TBCD: variants seen among roughly 807,000 people sequenced by gnomAD.
The protein encoded by TBCD is tubulin folding cofactor D, also known as tubulin-specific chaperone D.
A neutral mutation model predicts 169.3 loss-of-function variants in TBCD; 105 were observed. The observed-to-expected ratio is 0.62, with a 90% CI of 0.53 to 0.73. The LOEUF (loss-of-function observed/expected upper bound fraction) is 0.73, where lower values mean the gene tolerates loss of function less well. Ranked by LOEUF, TBCD falls within the 30% of genes least tolerant of loss-of-function variation. The pLI is 0.00. For missense variants in TBCD, 1,444 were observed against 1,600.1 expected (o/e 0.90, Z 1.66); for synonymous variants, 700 against 643.9 (o/e 1.09, Z -1.32).
intron 30 of TBCD, among the ~76,000 whole-genome samples, chr17:82,928,767 C>T (rs1271764521): frequency 1.3e-5 from 2 of 152,140 alleles, no homozygotes; most frequent in Non-Finnish European, 1.5e-5. Flanking sequence ...TCTCTGTCCC[C>T]ATCACTCTTC....
chr17:82,944,335 A>C lies in TBCD; in HGVS notation c.*1872A>C, dbSNP rs1304423091. Reference sequence around the variant, plus strand: ...TCACCAGACACCTGGTGGCCTGGAAAGCCCTCTTTCAGCAGCCGTTTCTGG... The same window carrying C: ...TCACCAGACACCTGGTGGCCTGGAACGCCCTCTTTCAGCAGCCGTTTCTGG... On this transcript the variant is annotated 3_prime_UTR_variant, in exon 39 of 39. Coordinates refer to ENST00000355528, the MANE Select transcript of TBCD (RefSeq NM_005993.5). The C allele has an allele frequency of 6.6e-6, 1 of 152,190 alleles. No homozygotes were observed. The highest frequency in any genetic ancestry group is 6.5e-5 in the Admixed American group (1 of 15,282). 9.4% of individuals were successfully genotyped at this position (152,190 alleles called of 1,614,324 possible).
chr17:82,910,757 G>A (rs1413207435), intron 22 of TBCD, among the ~76,000 whole-genome samples: 2 of 152,078 alleles, frequency 1.3e-5, no homozygotes, highest in Non-Finnish European at 2.9e-5. Context: ...GGAGAGACGG[G>A]GTTTCACCAT....
In TBCD at chr17:82,789,536, G is replaced by C. The variant is rs2049551012; in HGVS notation, c.771+7815G>C. 6.6e-6 allele frequency among the ~76,000 whole-genome samples: 1 copy of C among 152,174 alleles called. No homozygotes were observed. ...AGTGGGCTAGAGCTGGGTCTCAGTG[G>C]CCCCTGCCCCAGTCGTCCTGACCTG... On this transcript the variant is annotated intron_variant, in intron 7 of 38. Coordinates refer to ENST00000355528, the MANE Select transcript of TBCD (RefSeq NM_005993.5). This position sits in a 1 kb window ranked among gnomAD's most constrained non-coding sequence, Gnocchi z 4.8.
intron 3 of TBCD, among the ~76,000 whole-genome samples, chr17:82,765,477 G>T (rs1334701373): frequency 6.6e-6 from 1 of 152,148 alleles, no homozygotes; most frequent in Non-Finnish European, 1.5e-5. Context: ...ACTGTTGGCA[G>T]TTTTGACTAT....
At chr17:82,883,890 C>G (rs1599198868) in intron 14 of TBCD, among the ~76,000 whole-genome samples, 1 of 152,206 alleles carries the variant, frequency 6.6e-6, no homozygotes, top group East Asian at 1.9e-4. Flanking sequence ...ATCCTGTGCC[C>G]TCGGTGTGCA....
chr17:82,883,346 G>A (rs2058503256), intron 14 of TBCD, among the ~76,000 whole-genome samples: 1 of 152,262 alleles, frequency 6.6e-6, no homozygotes, highest in South Asian at 2.1e-4. Flanking sequence ...TCCTTAGAAA[G>A]GATGATTGTC....
chr17:82,910,798 T>C (rs2060584936), intron 22 of TBCD, among the ~76,000 whole-genome samples: 1 of 152,196 alleles, frequency 6.6e-6, no homozygotes, highest in South Asian at 2.1e-4. Context: ...ACTCCTGACC[T>C]GAAGCGATCC....
chr17:82,754,245 G>A (rs1350075706), intron 1 of TBCD, among the ~76,000 whole-genome samples: 1 of 152,132 alleles, frequency 6.6e-6, no homozygotes, highest in Non-Finnish European at 1.5e-5. Context: ...GGTGGGGGTG[G>A]CTGATTGGTT....
chr17:82,819,078 C>T (rs566738023), intron 13 of TBCD, among the ~76,000 whole-genome samples: 27 of 152,018 alleles, frequency 1.8e-4, no homozygotes, highest in South Asian at 6.2e-4. Context: ...AAAAAAAGCG[C>T]GAAAACAAAT....
intron 35 of TBCD, chr17:82,937,601 C>T (rs999793667): frequency 3.0e-5 from 18 of 598,922 alleles, no homozygotes; most frequent in Non-Finnish European, 5.0e-5. Context: ...TCGCGCTCTG[C>T]CCTGGCGGGA....
intron 20 of TBCD, among the ~76,000 whole-genome samples, chr17:82,907,434 G>A (rs563774746): frequency 2.0e-5 from 3 of 152,340 alleles, no homozygotes; most frequent in African/African-American, 7.2e-5. Flanking sequence ...TGTAATCCCA[G>A]CTATTTAGGA....
chr17:82,792,973 G>A (rs1037856287), intron 7 of TBCD, among the ~76,000 whole-genome samples: 24 of 151,900 alleles, frequency 1.6e-4, no homozygotes, highest in African/African-American at 5.8e-4. Flanking sequence ...ATGTTGTCCG[G>A]GCTGGTCTGG....
At chr17:82,879,127 C>T (rs2058182081) in intron 14 of TBCD, among the ~76,000 whole-genome samples, 1 of 146,906 alleles carries the variant, frequency 6.8e-6, no homozygotes, top group African/African-American at 2.5e-5. Context: ...ACAAGATGCA[C>T]CTGGCTTATC....
intron 9 of TBCD, among the ~76,000 whole-genome samples, chr17:82,802,621 A>T (rs2050655249): frequency 6.6e-6 from 1 of 152,218 alleles, no homozygotes; most frequent in African/African-American, 2.4e-5. Context: ...TAGTCTGAAG[A>T]CAGAACAAGT....
In TBCD at chr17:82,895,613, G is replaced by C. The variant is rs995211648; in HGVS notation, c.1649+1981G>C. On this transcript the variant is annotated intron_variant, in intron 17 of 38. Transcript: ENST00000355528. ...GCTCTTGGGAGACGGGAGAGGGCTG[G>C]GGGCCTGGAGGTGTGCCCGCTGGAG... Among the ~76,000 whole-genome samples the C allele has an allele frequency of 4.5e-4, 68 of 152,276 alleles. No individual in the cohort carries two copies. In the Middle Eastern group the frequency reaches 0.01, roughly 23 times the overall value.
chr17:82,901,597 G>A (rs2059902207), intron 18 of TBCD, among the ~76,000 whole-genome samples: 1 of 149,758 alleles, frequency 6.7e-6, no homozygotes, highest in Non-Finnish European at 1.5e-5. Context: ...TGCTGCCTGG[G>A]GAGCGGCCCA....
At position 82,782,739 on chromosome 17, in the gene TBCD, G is replaced by A. The variant is rs945133329; in HGVS notation, c.771+1018G>A. ...GCGTCGTCCTCCTGTCCGCAGCATC[G>A]TCTTCCTATCCGCGGCATTGTCTTC... On this transcript the variant is annotated intron_variant, in intron 7 of 38. Coordinates refer to ENST00000355528, the MANE Select transcript of TBCD (RefSeq NM_005993.5). This position sits in a 1 kb window ranked among gnomAD's most constrained non-coding sequence, Gnocchi z 5.1. Among the ~76,000 whole-genome samples, 4 of 144,084 alleles carry A rather than the reference G, an allele frequency of 2.8e-5. No homozygotes were observed. The highest frequency in any genetic ancestry group is 4.2e-4 in the South Asian group (2 of 4,720). 94.5% of individuals were successfully genotyped at this position (144,084 alleles called of 152,430 possible).
intron 22 of TBCD, among the ~76,000 whole-genome samples, chr17:82,910,000 C>G (rs1390298839): frequency 2.0e-5 from 3 of 152,160 alleles, no homozygotes; most frequent in African/African-American, 7.2e-5. Flanking sequence ...TTTGAGATAC[C>G]TGTGTTGCTG....
rs904214112 is a variant in TBCD, at chr17:82,874,292, G to C, written c.1475+3912G>C. On this transcript the variant is annotated intron_variant, in intron 14 of 38. Transcript: ENST00000355528. This position sits in a 1 kb window ranked among gnomAD's most constrained non-coding sequence, Gnocchi z 5.0. ...GGGCTGCAGGCTTGAAGAAGGATGT[G>C]AGTTTCTGGAGTAGCCTGGACTGCA... Among the ~76,000 whole-genome samples, 3 of 152,190 alleles carry C rather than the reference G, an allele frequency of 2.0e-5. No individual in the cohort carries two copies. The highest frequency in any genetic ancestry group is 6.5e-5 in the Admixed American group (1 of 15,282).
Sources: gnomAD v4.1 joint callset for allele counts (sites outside exome capture counted in the v4.1 genomes callset) on GRCh38, gnomAD v4.1.1 for gene constraint, Gnocchi (gnomAD v3.1) non-coding constraint, MANE v1.5 for transcripts, NCBI Gene and HGNC (gene_info 2026-07-23, HGNC 2026-07-21) for gene names.